Variants in PLCB1 observed in about 807,000 individuals in gnomAD.
PLCB1 encodes 1-phosphatidylinositol 4,5-bisphosphate phosphodiesterase beta-1.
In PLCB1, 46 loss-of-function variants were observed where a neutral mutation model predicts 161.8. That is an observed-to-expected ratio of 0.28 (90% CI 0.22 to 0.36). The LOEUF (loss-of-function observed/expected upper bound fraction) is 0.36, where lower values mean the gene tolerates loss of function less well. Ranked by LOEUF, PLCB1 falls within the 10% of genes least tolerant of loss-of-function variation. PLCB1 has a pLI of 1.00. For missense variants in PLCB1, 1,016 were observed against 1,472.5 expected, an observed-to-expected ratio of 0.69 and a Z score of 5.07; for synonymous variants, 517 against 503.7, an observed-to-expected ratio of 1.03 and a Z score of -0.35.
chr20:8,547,234 C>A (rs1985584778), intron 3 of PLCB1, among the ~76,000 whole-genome samples: 1 of 152,160 alleles, frequency 6.6e-6, no homozygotes, highest in Admixed American at 6.5e-5. Flanking sequence ...TTACGGCTCG[C>A]TCTAATGTTC....
At chr20:8,430,953 T>C (rs1980013103) in intron 3 of PLCB1, among the ~76,000 whole-genome samples, 1 of 152,038 alleles carries the variant, frequency 6.6e-6, no homozygotes, top group Non-Finnish European at 1.5e-5. Flanking sequence ...AGCAAGACCA[T>C]GTCTCAAAAA....
At chr20:8,256,992 C>T (rs1981454215) in intron 2 of PLCB1, 1 of 152,020 alleles carries the variant, frequency 6.6e-6, no homozygotes. Flanking sequence ...AAATGATTTC[C>T]TAAAAGGGTA....
intron 3 of PLCB1, among the ~76,000 whole-genome samples, chr20:8,622,967 T>C (rs149883802): frequency 6.1e-4 from 93 of 152,302 alleles, no homozygotes; most frequent in African/African-American, 2.1e-3. Flanking sequence ...TCTCTCCACA[T>C]TCTGAGCCCA....
intron 23 of PLCB1, among the ~76,000 whole-genome samples, chr20:8,749,895 A>G (rs1400932066): frequency 6.6e-6 from 1 of 152,190 alleles, no homozygotes; most frequent in Non-Finnish European, 1.5e-5. Flanking sequence ...TGCCATTAAT[A>G]ATAGAGCTAT....
chr20:8,505,963 G>A (rs1983620518), intron 3 of PLCB1, among the ~76,000 whole-genome samples: 1 of 152,190 alleles, frequency 6.6e-6, no homozygotes, highest in South Asian at 2.1e-4. Flanking sequence ...ATTGTTCTTG[G>A]CATAACAGTA....
intron 3 of PLCB1, among the ~76,000 whole-genome samples, chr20:8,440,306 A>C (rs1017349879): frequency 1.3e-5 from 2 of 152,206 alleles, no homozygotes; most frequent in Admixed American, 6.5e-5. Flanking sequence ...TGACTCCCAT[A>C]GCTAGTATTG....
At chr20:8,198,809 A>G (rs921059724) in intron 2 of PLCB1, among the ~76,000 whole-genome samples, 8 of 152,104 alleles carry the variant, frequency 5.3e-5, no homozygotes, top group African/African-American at 1.9e-4. Context: ...TCCAACTACA[A>G]TTACAAATTA....
At position 8,310,929 on chromosome 20, in the gene PLCB1, C is replaced by G. The variant is rs183197559; in HGVS notation, c.178-60453C>G. The stretch of plus-strand genomic sequence containing the variant: ...TTTTTTGTGGCTGCTGCATAGTATT[C>G]TATGGTGTATATGCACCCCCACTGA... On this transcript the variant is annotated intron_variant, in intron 2 of 31. Coordinates refer to ENST00000338037, the MANE Select transcript of PLCB1 (RefSeq NM_015192.4). 2.4e-4 allele frequency among the ~76,000 whole-genome samples: 37 copies of G among 152,274 alleles called. No homozygotes were observed. The East Asian group carries it at 6.2e-3, about 25-fold the overall frequency.
At chr20:8,282,716 G>T (rs558657423) in intron 2 of PLCB1, among the ~76,000 whole-genome samples, 1 of 152,178 alleles carries the variant, frequency 6.6e-6, no homozygotes. Flanking sequence ...TTTCTTGGTT[G>T]TGGCTTTTTG....
At chr20:8,693,080 A>G (rs1387007775) in intron 10 of PLCB1, among the ~76,000 whole-genome samples, 1 of 152,202 alleles carries the variant, frequency 6.6e-6, no homozygotes, top group Non-Finnish European at 1.5e-5. Context: ...AAGGGCAACC[A>G]GAAGTGTAAG....
intron 3 of PLCB1, among the ~76,000 whole-genome samples, chr20:8,613,904 C>T (rs956540435): frequency 2.6e-5 from 4 of 151,810 alleles, no homozygotes; most frequent in Non-Finnish European, 5.9e-5. Context: ...GAAAATGCCA[C>T]ATCATTTGAC....
chr20:8,761,406 A>C (rs926877116), intron 25 of PLCB1, among the ~76,000 whole-genome samples: 9 of 152,370 alleles, frequency 5.9e-5, no homozygotes, highest in Admixed American at 2.0e-4. Flanking sequence ...ACAAGGCTAT[A>C]CTTTTATGAT....
intron 2 of PLCB1, among the ~76,000 whole-genome samples, chr20:8,206,661 T>C (rs1978548175): frequency 6.6e-6 from 1 of 152,088 alleles, no homozygotes; most frequent in African/African-American, 2.4e-5. Flanking sequence ...TTCCTAAGAA[T>C]GGTAAATACT....
At chr20:8,714,392 A>T (rs956183403) in intron 12 of PLCB1, among the ~76,000 whole-genome samples, 2 of 152,178 alleles carry the variant, frequency 1.3e-5, no homozygotes, top group African/African-American at 4.8e-5. Flanking sequence ...TCTTATCAGC[A>T]GCAGCCACAG....
intron 2 of PLCB1, among the ~76,000 whole-genome samples, chr20:8,370,212 G>A (rs1049014083): frequency 6.6e-6 from 1 of 152,174 alleles, no homozygotes. Flanking sequence ...CCTGGCTGGT[G>A]GTAGAGTCCA....
At chr20:8,420,372 A>G (rs78288766) in intron 3 of PLCB1, among the ~76,000 whole-genome samples, 5,698 of 152,284 alleles carry the variant, frequency 0.037, 345 homozygotes, top group African/African-American at 0.12. Context: ...ATTTGAAACT[A>G]TAAATACATA....
intron 12 of PLCB1, among the ~76,000 whole-genome samples, chr20:8,714,978 C>G (rs1421090741): frequency 5.3e-5 from 8 of 151,152 alleles, no homozygotes; most frequent in Non-Finnish European, 1.2e-4. Context: ...CAGGCTTAAA[C>G]ATTCATGGAA....
intron 10 of PLCB1, among the ~76,000 whole-genome samples, chr20:8,696,121 G>A (rs887024342): frequency 2.6e-5 from 4 of 152,128 alleles, no homozygotes; most frequent in African/African-American, 7.2e-5. Context: ...TCTTCTAAAG[G>A]TTTTGTAGTT....
chr20:8,854,111 A>G lies in PLCB1; in HGVS notation c.3424-27511A>G, dbSNP rs7271558. On this transcript the variant is annotated intron_variant, in intron 31 of 31. Transcript: ENST00000338037. ...TCCATAAACTTAAACTTTCCTGGGT[A>G]GGGAAGATCTGAAAAATGTCACCCA... Among the ~76,000 whole-genome samples the G allele has an allele frequency of 4.0e-3, 616 of 152,322 alleles. 7 individuals carry two copies. The highest frequency in any genetic ancestry group is 0.013 in the African/African-American group (549 of 41,574).
Sources: allele counts gnomAD v4.1 joint callset (sites outside exome capture counted in the v4.1 genomes callset), GRCh38; gene constraint gnomAD v4.1.1; transcripts MANE v1.5; gene names NCBI Gene and HGNC (gene_info 2026-07-23, HGNC 2026-07-21).